The following LRRIQ3 variants were observed in gnomAD, a reference collection of about 807,000 sequenced individuals.
LRRIQ3 encodes leucine-rich repeat and IQ domain-containing protein 3.
A neutral mutation model predicts 59.3 loss-of-function variants in LRRIQ3; 75 were observed. The observed-to-expected ratio is 1.26, with a 90% confidence interval of 1.05 to 1.53. LRRIQ3 has a LOEUF of 1.53. Ranked by LOEUF, LRRIQ3 falls within the 40% of genes most tolerant of loss-of-function variation. LRRIQ3 has a pLI of 0.00. For missense variants in LRRIQ3, 831 were observed against 710.0 expected (o/e 1.17, Z -1.94); for synonymous variants, 250 against 231.3 (o/e 1.08, Z -0.73).
chr1:74,173,117 T>A (rs1299538811), intron 3 of LRRIQ3, among the ~76,000 whole-genome samples: 1 of 151,830 alleles, frequency 6.6e-6, no homozygotes, highest in Non-Finnish European at 1.5e-5. Context: ...CTGGCCAGCA[T>A]CCTGGCCGTC....
chr1:74,083,748 A>C (rs1227540270), intron 5 of LRRIQ3: 1 of 153,672 alleles, frequency 6.5e-6, no homozygotes, highest in Non-Finnish European at 1.4e-5. Context: ...ACACATTGAA[A>C]TAGCCAATCT....
intron 5 of LRRIQ3, among the ~76,000 whole-genome samples, chr1:74,100,219 C>CA: frequency 6.6e-6 from 1 of 152,152 alleles, no homozygotes; most frequent in Non-Finnish European, 1.5e-5. Context: ...TCTCAGGATA[C>CA]AAAATCAATG....
intron 5 of LRRIQ3, chr1:74,082,730 G>A (rs1324095958): frequency 6.6e-6 from 1 of 151,302 alleles, no homozygotes; most frequent in Non-Finnish European, 1.5e-5. Flanking sequence ...TGAGAAAAAT[G>A]TCTCCTATTA....
At chr1:74,055,112 T>TCATGA (rs1377343623) in intron 6 of LRRIQ3, among the ~76,000 whole-genome samples, 1 of 147,378 alleles carries the variant, frequency 6.8e-6, no homozygotes, top group African/African-American at 2.5e-5. Context: ...AACACAACCA[T>TCATGA]CATGACATGT....
At chr1:74,056,258 T>C (rs1269432849) in intron 6 of LRRIQ3, among the ~76,000 whole-genome samples, 2 of 151,834 alleles carry the variant, frequency 1.3e-5, no homozygotes, top group African/African-American at 4.8e-5. Flanking sequence ...AAACCATAGC[T>C]CATATCATAC....
intron 3 of LRRIQ3, among the ~76,000 whole-genome samples, chr1:74,164,882 T>C (rs955886701): frequency 6.6e-5 from 10 of 151,606 alleles, no homozygotes; most frequent in Non-Finnish European, 1.3e-4. Context: ...CTTTTGGCTA[T>C]GGATACCCAA....
At chr1:74,100,817 C>A (rs1646518637) in intron 5 of LRRIQ3, among the ~76,000 whole-genome samples, 1 of 151,828 alleles carries the variant, frequency 6.6e-6, no homozygotes, top group Admixed American at 6.6e-5. Context: ...GAAAGGATTC[C>A]CTATTTAATA....
intron 5 of LRRIQ3, among the ~76,000 whole-genome samples, chr1:74,084,857 T>A (rs1646310146): frequency 6.6e-6 from 1 of 151,790 alleles, no homozygotes; most frequent in Non-Finnish European, 1.5e-5. Flanking sequence ...TCTGTTAATA[T>A]CATCAGCCTA....
intron 6 of LRRIQ3, among the ~76,000 whole-genome samples, chr1:74,050,911 AT>A (rs1654350342): frequency 6.6e-6 from 1 of 152,170 alleles, no homozygotes; most frequent in African/African-American, 2.4e-5. Flanking sequence ...AGTCTCTCCC[AT>A]TACACACGCA....
chr1:74,055,998 A>C (rs1654522549), intron 6 of LRRIQ3, among the ~76,000 whole-genome samples: 1 of 151,806 alleles, frequency 6.6e-6, no homozygotes. Context: ...CAAAAAAATT[A>C]GCCGGGTGTG....
At chr1:74,074,507 C>G (rs1174262718) in intron 6 of LRRIQ3, among the ~76,000 whole-genome samples, 154 bp downstream of exon 6, 1 of 151,976 alleles carries the variant, frequency 6.6e-6, no homozygotes, top group Non-Finnish European at 1.5e-5. Flanking sequence ...TTCATTTGCT[C>G]CAAGATATGG....
chr1:74,042,134 G>T (rs181498194), intron 6 of LRRIQ3, among the ~76,000 whole-genome samples: 90 of 152,178 alleles, frequency 5.9e-4, no homozygotes, highest in African/African-American at 2.1e-3. Context: ...ACATAGAAAT[G>T]CACTGAATCT....
At chr1:74,138,572 G>C (rs1215525475) in intron 4 of LRRIQ3, 1 of 834,394 alleles carries the variant, frequency 1.2e-6, no homozygotes, top group Non-Finnish European at 1.4e-6. Context: ...AGAGTGAAAT[G>C]GCCTTTGTTT....
intron 4 of LRRIQ3, among the ~76,000 whole-genome samples, chr1:74,131,660 T>A (rs975416695): frequency 3.9e-5 from 6 of 152,112 alleles, no homozygotes; most frequent in Admixed American, 3.9e-4. Flanking sequence ...AAAAGGCCTT[T>A]GACAAAATTC....
intron 6 of LRRIQ3, among the ~76,000 whole-genome samples, chr1:74,045,031 T>C (rs930001587): frequency 6.6e-6 from 1 of 151,976 alleles, no homozygotes; most frequent in African/African-American, 2.4e-5. Flanking sequence ...CTACTAGAGG[T>C]ACTAAGAGGA....
chr1:74,146,290 A>G (rs1647564448), intron 4 of LRRIQ3, among the ~76,000 whole-genome samples: 1 of 152,216 alleles, frequency 6.6e-6, no homozygotes, highest in African/African-American at 2.4e-5. Flanking sequence ...TATGTTATTT[A>G]TAATGTAAAA....
Position 74,185,873 on chromosome 1 carries a change from C to T in LRRIQ3, c.1-2189G>A, listed in dbSNP as rs184578627. ...CAGGAGAATGGTGTGAACCCAGGAGCGTGCACTCCAGCCTGGGCGACAGAG... is the reference window on the plus strand; with the variant it reads ...CAGGAGAATGGTGTGAACCCAGGAGTGTGCACTCCAGCCTGGGCGACAGAG... On this transcript the variant is annotated intron_variant, in intron 1 of 7. Coordinates refer to ENST00000354431, the MANE Select transcript of LRRIQ3 (RefSeq NM_001105659.2). Among the ~76,000 whole-genome samples the T allele has an allele frequency of 1.2e-3, 184 of 151,522 alleles. 1 individual carries two copies. Among genetic ancestry groups the T allele is most frequent in the African/African-American group, 4.3e-3 (179 of 41,356 alleles).
intron 5 of LRRIQ3, among the ~76,000 whole-genome samples, chr1:74,090,411 C>T (rs1210504293): frequency 6.6e-6 from 1 of 151,496 alleles, no homozygotes; most frequent in Admixed American, 6.6e-5. Flanking sequence ...AAAATCAACA[C>T]AAAGTACATC....
intron 3 of LRRIQ3, among the ~76,000 whole-genome samples, chr1:74,175,663 A>T (rs542005994): frequency 1.3e-5 from 2 of 152,230 alleles, no homozygotes; most frequent in South Asian, 4.1e-4. Flanking sequence ...AATTCTCACA[A>T]AGGCATTATT....
Sources: gnomAD v4.1 joint callset for allele counts (sites outside exome capture counted in the v4.1 genomes callset) on GRCh38, gnomAD v4.1.1 for gene constraint, MANE v1.5 for transcripts, NCBI Gene and HGNC (gene_info 2026-07-23, HGNC 2026-07-21) for gene names.